The following EPS8L2 variants were observed in gnomAD, a reference collection of about 807,000 sequenced individuals.
EPS8L2 encodes the protein EPS8 signaling adaptor L2, also known as epidermal growth factor receptor kinase substrate 8-like protein 2.
Under a neutral mutation model 99.4 loss-of-function variants are expected in EPS8L2, and 81 were observed. The ratio of observed to expected loss-of-function variants is 0.82; its 90% CI spans 0.68 to 0.98. The LOEUF (loss-of-function observed/expected upper bound fraction) is 0.98. Ranked by LOEUF, EPS8L2 falls within the 50% of genes least tolerant of loss-of-function variation. The pLI, the probability that EPS8L2 is intolerant of heterozygous loss-of-function variation, is 0.00. For synonymous variants in EPS8L2, 509 were observed against 407.3 expected, an observed-to-expected ratio of 1.25 and a Z score of -3.01; for missense variants, 1,155 against 968.8, an observed-to-expected ratio of 1.19 and a Z score of -2.55.
Position 726,012 on chromosome 11 carries a change from G to A in EPS8L2, c.1681-86G>A, listed in dbSNP as rs1366164169. On this transcript the variant is annotated intron_variant, in intron 17 of 20. Transcript: ENST00000318562. ...CTGGTCCGCAGGCCGGGGCTGTAGG[G>A]GGATTGGCGGGGTGGGGAGGTCCCG... 22 of 1,312,866 alleles carry A rather than the reference G, an allele frequency of 1.7e-5. 1 individual carries two copies. In the South Asian group the frequency reaches 2.0e-4, roughly 12 times the overall value. 81.3% of individuals were successfully genotyped at this position (1,312,866 alleles called of 1,614,324 possible).
At chr11:723,747 G>A (rs1332641663) in intron 15 of EPS8L2, among the ~76,000 whole-genome samples, 1 of 152,038 alleles carries the variant, frequency 6.6e-6, no homozygotes, top group Non-Finnish European at 1.5e-5. Context: ...GGCTAGTGAA[G>A]CCTCTCCCCT....
intron 4 of EPS8L2, among the ~76,000 whole-genome samples, chr11:717,517 C>T (rs917549027): frequency 6.6e-6 from 1 of 152,198 alleles, no homozygotes; most frequent in Non-Finnish European, 1.5e-5. Context: ...GGCATCCTTT[C>T]TCCACATCCT....
chr11:716,326 T>G (rs1364850080), intron 4 of EPS8L2, among the ~76,000 whole-genome samples: 2 of 151,908 alleles, frequency 1.3e-5, no homozygotes, highest in Non-Finnish European at 2.9e-5. Flanking sequence ...TTTTTTGTGT[T>G]TTTAGTAGAG....
rs141487079 is a variant in EPS8L2, at chr11:723,309, C to T, written c.1410C>T (p.Pro470=). The T allele has an allele frequency of 3.7e-6, 6 of 1,601,100 alleles. No individual in the cohort carries two copies. The African/African-American group carries it at 4.0e-5, about 11-fold the overall frequency. The part of the protein sequence containing the change: ...QKHSPTSEPT[P]PGDALPPVSS... The stretch of plus-strand genomic sequence containing the variant: ...ACAGCCCCACTTCAGAGCCCACCCC[C>T]CCGGGGGATGCCCTACCACCAGTCA... The change falls in exon 15 of 21, where the codon CCC becomes CCT. Residue 470 remains proline, a synonymous_variant. Coordinates refer to ENST00000318562, the MANE Select transcript of EPS8L2 (RefSeq NM_022772.4).
Position 727,144 on chromosome 11 carries a change from C to G in EPS8L2, c.*163C>G, listed in dbSNP as rs1236780011. 1 of 597,466 alleles carries G rather than the reference C, an allele frequency of 1.7e-6. No homozygotes were observed. Among genetic ancestry groups the G allele is most frequent in the Non-Finnish European group, 3.0e-6 (1 of 336,280 alleles). The allele number at this position is 597,466 out of a possible 1,614,324, so 37.0% of individuals were successfully genotyped here. A position where few individuals can be genotyped will look rare whatever the true frequency, so the allele number is the denominator to read the frequency against. ...TGGAGGCACAACGCCCATCCTTAGGCCAAACAGTACCCAAGGCCTCAGCCC... is the reference window on the plus strand; with the variant it reads ...TGGAGGCACAACGCCCATCCTTAGGGCAAACAGTACCCAAGGCCTCAGCCC... On this transcript the variant is annotated 3_prime_UTR_variant, in exon 21 of 21. Transcript: ENST00000318562.
intron 4 of EPS8L2, 45 bp downstream of exon 4, chr11:710,531 TCA>T (rs1375666524): frequency 1.3e-6 from 2 of 1,531,324 alleles, no homozygotes; most frequent in South Asian, 2.2e-5. Flanking sequence ...GGGAGCACCC[TCA>T]GGACATGGCT....
Position 722,404 on chromosome 11 carries a change from G to A in EPS8L2, c.1063G>A (p.Val355Ile), listed in dbSNP as rs756697402. 51 of 1,612,590 alleles carry A rather than the reference G, an allele frequency of 3.2e-5. No homozygotes were observed. In the African/African-American group the frequency reaches 3.5e-4, roughly 11 times the overall value. Residue 355 changes from valine to isoleucine, a missense_variant, in exon 13 of 21, where the codon GTC (valine) becomes ATC (isoleucine). Transcript: ENST00000318562. ...TCTGAACCTCACTGTGCCCCAGATC[G>A]TCAACACCTGCAGTGGCCCAGACAT... ...HFLFGPLDLI[V>I]NTCSGPDIAR... is the part of the protein sequence containing the mutation.
rs182315048 is a variant in EPS8L2, at chr11:722,144, C to T, written c.1038C>T (p.Phe346=). ...CCAGCGCCGCGGAGCTCGTGCACTT[C>T]CTCTTCGGGCCTCTGGACCTGGTGC... ...QNPSAAELVH[F]LFGPLDLIVN... Residue 346 remains phenylalanine, a synonymous_variant, in exon 12 of 21, where the codon TTC becomes TTT. Coordinates refer to ENST00000318562, the MANE Select transcript of EPS8L2 (RefSeq NM_022772.4). 10 of 1,612,742 alleles carry T rather than the reference C, an allele frequency of 6.2e-6. No homozygotes were observed. In the East Asian group the frequency reaches 1.3e-4, roughly 22 times the overall value.
At chr11:715,083 A>G (rs2133510658) in intron 4 of EPS8L2, among the ~76,000 whole-genome samples, 1 of 152,244 alleles carries the variant, frequency 6.6e-6, no homozygotes, top group South Asian at 2.1e-4. Flanking sequence ...TCTACTAAAA[A>G]TACAAAAAAT....
intron 4 of EPS8L2, 56 bp downstream of exon 4, chr11:710,542 CT>C: frequency 1.4e-6 from 2 of 1,459,192 alleles, no homozygotes; most frequent in Non-Finnish European, 1.9e-6. Flanking sequence ...CAGGACATGG[CT>C]GTCCTCAGGT....
chr11:721,822 C>G (rs772879088), intron 10 of EPS8L2, 81 bp from the exon 11 acceptor site: 1 of 1,513,230 alleles, frequency 6.6e-7, no homozygotes, highest in Non-Finnish European at 9.0e-7. Flanking sequence ...CCAGCCCACA[C>G]AGATGGGCTG....
chr11:720,946 G>A (rs1340229781), intron 7 of EPS8L2, 37 bp downstream of exon 7: 14 of 1,490,610 alleles, frequency 9.4e-6, no homozygotes, highest in South Asian at 2.4e-5. Flanking sequence ...CAGGGGGCGG[G>A]GAGGGGAGGA....
chr11:722,810 G>C lies in EPS8L2; in HGVS notation c.1341+5G>C, dbSNP rs376058654. On this transcript the variant is annotated splice_donor_5th_base_variant and intron_variant, in intron 14 of 20. Transcript: ENST00000318562. Reference sequence around the variant, plus strand: ...GCGTCTGCCCCCATCGAGGAGGTGAGAGCACCAGCAGCCCCCATCCCTACC... The same window carrying C: ...GCGTCTGCCCCCATCGAGGAGGTGACAGCACCAGCAGCCCCCATCCCTACC... 124 of 1,552,592 alleles carry C rather than the reference G, an allele frequency of 8.0e-5. No individual in the cohort carries two copies. Among genetic ancestry groups the C allele is most frequent in the African/African-American group, 7.3e-4 (54 of 73,472 alleles).
At chr11:726,782 C>T (rs372129009) in intron 20 of EPS8L2, 31 bp downstream of exon 20, 7 of 1,580,028 alleles carry the variant, frequency 4.4e-6, no homozygotes, top group African/African-American at 4.0e-5. Context: ...GCGCCACGCC[C>T]CTCCTGCCCC....
At chr11:714,462 C>T (rs1861965962) in intron 4 of EPS8L2, among the ~76,000 whole-genome samples, 2 of 151,772 alleles carry the variant, frequency 1.3e-5, no homozygotes, top group African/African-American at 4.8e-5. Context: ...AACTCCTGAT[C>T]CCAGGTGATC....
intron 4 of EPS8L2, among the ~76,000 whole-genome samples, chr11:712,288 A>G (rs1406376851): frequency 6.6e-6 from 1 of 151,876 alleles, no homozygotes; most frequent in Non-Finnish European, 1.5e-5. Context: ...TCCATCTCAA[A>G]AGGAAAAAAA....
chr11:720,845 G>A lies in EPS8L2; in HGVS notation c.493G>A (p.Glu165Lys). The stretch of plus-strand genomic sequence containing the variant: ...GCTTTCCCAGGCAGAGCTGGTGCAC[G>A]AGGACATCGAGAGCGCGTTGGCCGA... ...CDEVEAELVHEDIESALADCR... is the reference protein window; with the variant it reads ...CDEVEAELVHKDIESALADCR... Residue 165 changes from glutamate (E) to lysine (K), a missense_variant, in exon 7 of 21, where the codon GAG becomes AAG. Physicochemically the swap from Glu to Lys is moderately conservative, Grantham distance 56. Coordinates refer to ENST00000318562, the MANE Select transcript of EPS8L2 (RefSeq NM_022772.4). 1 of 1,541,062 alleles carries A rather than the reference G, an allele frequency of 6.5e-7. No homozygotes were observed. Among genetic ancestry groups the A allele is most frequent in the Non-Finnish European group, 8.7e-7 (1 of 1,146,196 alleles).
chr11:718,500 G>A (rs1478941464), intron 4 of EPS8L2, among the ~76,000 whole-genome samples: 3 of 98,346 alleles, frequency 3.1e-5, no homozygotes, highest in African/African-American at 8.3e-5. Context: ...TTTTTTTTTA[G>A]TTTGAGACAG....
At position 721,548 on chromosome 11, in the gene EPS8L2, AC is replaced by A; in HGVS notation, c.769-12del. 1 of 1,531,752 alleles carries A rather than the reference AC, an allele frequency of 6.5e-7. No individual in the cohort carries two copies. 94.9% of individuals were successfully genotyped at this position (1,531,752 alleles called of 1,614,324 possible). A position where few individuals can be genotyped will look rare whatever the true frequency, so the allele number is the denominator to read the frequency against. On this transcript the variant is annotated splice_polypyrimidine_tract_variant and intron_variant, in intron 9 of 20. Transcript: ENST00000318562. ...GGGGAGTGTCAGGGGCTGACCCCTG[AC>A]CCCCTCTGACCCCAGCAAATCCTCA... is the stretch of plus-strand genomic sequence containing the variant.
Sources: allele counts gnomAD v4.1 joint callset (sites outside exome capture counted in the v4.1 genomes callset), GRCh38; gene constraint gnomAD v4.1.1; transcripts MANE v1.5; gene names NCBI Gene and HGNC (gene_info 2026-07-23, HGNC 2026-07-21).